Variants in VCL observed in about 807,000 individuals in gnomAD.
VCL encodes epididymis luminal protein 114.
VCL carries 47 observed loss-of-function variants against 125.7 expected under a neutral mutation model. The observed-to-expected ratio is 0.37, with a 90% CI of 0.30 to 0.48. The LOEUF is 0.48. VCL is among the 20% of genes least tolerant of loss of function. The probability of loss-of-function intolerance (pLI) is 0.99; values close to 1 mark genes in which losing one functional copy is unlikely to be tolerated. For synonymous variants in VCL, 458 were observed against 514.6 expected (o/e 0.89, Z 1.49); for missense variants, 1,069 against 1,455.5 (o/e 0.73, Z 4.32).
rs773244741 is a variant in VCL, at chr10:74,094,345, A to G, written c.1427A>G (p.Lys476Arg). ...ACGGCCCTGCAGAACCTGCAGACCA[A>G]AACCAACCGGGCTGTGGCCAACAGC... ...VATALQNLQT[K>R]TNRAVANSRP... is the part of the protein sequence containing the mutation. Residue 476 changes from lysine (K) to arginine (R), a missense_variant, in exon 11 of 22, where the codon AAA (lysine) becomes AGA (arginine). Coordinates refer to ENST00000211998, the MANE Select transcript of VCL (RefSeq NM_014000.3). 3 of 1,614,178 alleles carry G rather than the reference A, an allele frequency of 1.9e-6. No individual in the cohort carries two copies.
chr10:74,046,195 G>A (rs1046691574), intron 2 of VCL, among the ~76,000 whole-genome samples: 1 of 151,842 alleles, frequency 6.6e-6, no homozygotes, highest in African/African-American at 2.4e-5. Flanking sequence ...AGGTTTCTTC[G>A]AGCTCTGATC....
chr10:74,067,479 A>G (rs547409127), intron 2 of VCL, among the ~76,000 whole-genome samples: 42 of 152,322 alleles, frequency 2.8e-4, no homozygotes, highest in South Asian at 1.0e-3. Flanking sequence ...TTCTCAAAAA[A>G]TCAAACATGG....
In VCL at chr10:73,998,336, C is replaced by G; in HGVS notation, c.129C>G (p.Pro43=). The G allele has an allele frequency of 6.4e-7, 1 of 1,556,682 alleles. No individual in the cohort carries two copies. The highest frequency in any genetic ancestry group is 8.7e-7 in the Non-Finnish European group (1 of 1,150,036). Residue 43 remains proline (P), a synonymous_variant, in exon 1 of 22, where the codon CCC becomes CCG. Coordinates refer to ENST00000211998, the MANE Select transcript of VCL (RefSeq NM_014000.3). ...AAGCCATTCCTGACCTCACCGCGCC[C>G]GTGGCCGCCGTGCAGGCGGCCGTCA... ...DGKAIPDLTA[P]VAAVQAAVSN...
chr10:74,070,260 T>A (rs1214856815), intron 2 of VCL, among the ~76,000 whole-genome samples: 2 of 152,178 alleles, frequency 1.3e-5, no homozygotes, highest in Non-Finnish European at 2.9e-5. Context: ...CTTTGTGCAG[T>A]GTCTTTTAAT....
chr10:74,035,550 T>G (rs1840958245), intron 1 of VCL, among the ~76,000 whole-genome samples: 1 of 152,242 alleles, frequency 6.6e-6, no homozygotes, highest in Non-Finnish European at 1.5e-5. Flanking sequence ...TTATTTCTTA[T>G]CTCATTCTCT....
chr10:74,111,836 A>C, intron 18 of VCL, 73 bp from the exon 19 acceptor site: 1 of 1,579,822 alleles, frequency 6.3e-7, no homozygotes, highest in Non-Finnish European at 8.6e-7. Flanking sequence ...AACCAGCTGA[A>C]GCCCAGTTTC....
intron 1 of VCL, among the ~76,000 whole-genome samples, chr10:74,029,953 T>G (rs776969498): frequency 5.9e-5 from 9 of 152,210 alleles, no homozygotes; most frequent in Admixed American, 1.3e-4. Context: ...TTCCAGTTAT[T>G]TTTTCAATGT....
At chr10:74,044,848 G>T (rs2136250087) in intron 2 of VCL, among the ~76,000 whole-genome samples, 1 of 152,200 alleles carries the variant, frequency 6.6e-6, no homozygotes, top group African/African-American at 2.4e-5. Context: ...ACTTAAAAAT[G>T]GTTAATTTTA....
intron 17 of VCL, among the ~76,000 whole-genome samples, chr10:74,108,023 A>G (rs1840164546): frequency 6.6e-6 from 1 of 152,230 alleles, no homozygotes; most frequent in African/African-American, 2.4e-5. Context: ...ATAACTTATC[A>G]AGGCAATAAT....
rs370229150 is a variant in VCL, at chr10:74,095,733, C to G, written c.1621C>G (p.Leu541Val). Residue 541 changes from leucine (L) to valine (V), a missense_variant, in exon 12 of 22, where the codon CTT becomes GTT. Physicochemically the swap from Leu to Val is conservative, Grantham distance 32. Around this residue, in one of 6 missense-constraint regions of VCL, gnomAD observed 760 missense variants for 928.9 expected, o/e 0.82. Coordinates refer to ENST00000211998, the MANE Select transcript of VCL (RefSeq NM_014000.3). ...NVMMGPYRQD[L>V]LAKCDRVDQL... ...TATGATGGGGCCTTATCGGCAAGAT[C>G]TTCTCGCCAAGTGTGACCGAGTGGA... 111 of 1,614,218 alleles carry G rather than the reference C, an allele frequency of 6.9e-5. No homozygotes were observed. Among genetic ancestry groups the G allele is most frequent in the Non-Finnish European group, 8.1e-5 (96 of 1,180,042 alleles).
At chr10:74,076,041 A>C (rs565957004) in intron 6 of VCL, 2 of 152,664 alleles carry the variant, frequency 1.3e-5, no homozygotes, top group South Asian at 4.1e-4. Flanking sequence ...GACAACTTTC[A>C]CTTCCCTGTT....
At chr10:74,068,305 T>C (rs948765900) in intron 2 of VCL, among the ~76,000 whole-genome samples, 2 of 152,176 alleles carry the variant, frequency 1.3e-5, no homozygotes, top group African/African-American at 4.8e-5. Context: ...TTATGTACTT[T>C]TCTTTCTTTT....
At chr10:74,074,344 G>A (rs960058637) in intron 5 of VCL, among the ~76,000 whole-genome samples, 1 of 152,166 alleles carries the variant, frequency 6.6e-6, no homozygotes, top group African/African-American at 2.4e-5. Flanking sequence ...TGGGATCAGG[G>A]GCAGCAGGAT....
chr10:74,105,562 C>A (rs1344404210), intron 16 of VCL, among the ~76,000 whole-genome samples: 2 of 152,146 alleles, frequency 1.3e-5, no homozygotes, highest in Non-Finnish European at 2.9e-5. Context: ...TCTGGACCAA[C>A]TTCTCTGTGC....
At chr10:74,026,579 C>T (rs1200317000) in intron 1 of VCL, among the ~76,000 whole-genome samples, 4 of 151,972 alleles carry the variant, frequency 2.6e-5, no homozygotes, top group Non-Finnish European at 4.4e-5. Flanking sequence ...AAATCACAAA[C>T]GAATATTGCA....
intron 18 of VCL, among the ~76,000 whole-genome samples, chr10:74,110,957 G>A (rs1237190457): frequency 1.3e-5 from 2 of 152,126 alleles, no homozygotes; most frequent in African/African-American, 4.8e-5. Context: ...ATTCTTCTGA[G>A]CTTCTGTGAG....
At chr10:74,045,155 G>A (rs932895564) in intron 2 of VCL, among the ~76,000 whole-genome samples, 5 of 151,424 alleles carry the variant, frequency 3.3e-5, no homozygotes, top group Admixed American at 6.6e-5. Context: ...TGGGTGACAG[G>A]GTGAAACCCT....
chr10:74,107,547 G>C (rs879418913), intron 17 of VCL, among the ~76,000 whole-genome samples, 193 bp downstream of exon 17: 3 of 152,042 alleles, frequency 2.0e-5, no homozygotes, highest in Non-Finnish European at 2.9e-5. Flanking sequence ...TATATGCATG[G>C]GTTGTGTGTG....
Position 74,093,150 on chromosome 10 carries a change from A to G in VCL, c.1353-1121A>G, listed in dbSNP as rs112204374. Among the ~76,000 whole-genome samples, 10 of 152,264 alleles carry G rather than the reference A, an allele frequency of 6.6e-5. 1 individual carries two copies. The highest frequency in any genetic ancestry group is 2.4e-4 in the African/African-American group (10 of 41,550). ...CGTTTCTACTAAAAATAGAGAAATT[A>G]GCTGGGTGTGGTGGTGGGCATCTAT... On this transcript the variant is annotated intron_variant, in intron 10 of 21. Coordinates refer to ENST00000211998, the MANE Select transcript of VCL (RefSeq NM_014000.3).
Sources: allele counts gnomAD v4.1 joint callset (sites outside exome capture counted in the v4.1 genomes callset), GRCh38; gene constraint gnomAD v4.1.1; regional missense constraint gnomAD v4.1.1; transcripts MANE v1.5; gene names NCBI Gene and HGNC (gene_info 2026-07-23, HGNC 2026-07-21).